Variants in BCAR3 observed in about 807,000 individuals in gnomAD.
BCAR3 encodes the protein BCAR3 adaptor protein, NSP family member.
BCAR3 carries 37 observed loss-of-function variants against 80.1 expected under a neutral mutation model. The observed-to-expected ratio is 0.46, with a 90% confidence interval of 0.36 to 0.61. BCAR3 has a LOEUF of 0.61. Ranked by LOEUF, BCAR3 falls within the 20% of genes least tolerant of loss-of-function variation. The probability of loss-of-function intolerance (pLI) is 0.00; values close to 1 mark genes in which losing one functional copy is unlikely to be tolerated. For missense variants in BCAR3, 978 were observed against 1,068.2 expected (o/e 0.92, Z 1.18); for synonymous variants, 389 against 418.9 (o/e 0.93, Z 0.87).
At chr1:93,675,925 C>CAAAAAAAAAAAAAAAAAAAAAAAAAAAA (rs58706715) in intron 1 of BCAR3, among the ~76,000 whole-genome samples, 1 of 51,440 alleles carries the variant, frequency 1.9e-5, no homozygotes, top group Non-Finnish European at 4.2e-5. Flanking sequence ...AAATAGGAGA[C>CAAAAAAAAAAAAAAAAAAAAAAAAAAAA]AAAAAAAAAA....
chr1:93,769,355 A>ATGTGCG (rs1212928670), intron 2 of BCAR3, among the ~76,000 whole-genome samples: 1 of 119,840 alleles, frequency 8.3e-6, no homozygotes, highest in Non-Finnish European at 1.7e-5. Flanking sequence ...GTGGGTAGGA[A>ATGTGCG]TGTGTGTGTG....
Position 93,584,054 on chromosome 1 carries a change from G to C in BCAR3, c.997C>G (p.Leu333Val), listed in dbSNP as rs765677379. Residue 333 changes from leucine (L) to valine (V), a missense_variant, in exon 6 of 12, where the codon CTC becomes GTC. By Grantham distance (32) the Leu-to-Val change is conservative. Transcript: ENST00000260502. ...DHMQDRRALS[L>V]KAHQSESYLP... ...TAGCTCTCTGACTGGTGGGCTTTGA[G>C]GGACAAGGCTCTTCTGTCCTGCATG... 6.2e-7 allele frequency: 1 copy of C among 1,614,146 alleles called. No homozygotes were observed. Among genetic ancestry groups the C allele is most frequent in the Admixed American group, 1.7e-5 (1 of 60,016 alleles).
At chr1:93,638,513 A>G (rs1336247488) in intron 3 of BCAR3, among the ~76,000 whole-genome samples, 9 of 152,268 alleles carry the variant, frequency 5.9e-5, no homozygotes, top group Admixed American at 5.2e-4. Context: ...TGAGCAGTAT[A>G]GAGATAAAAT....
intron 2 of BCAR3, among the ~76,000 whole-genome samples, chr1:93,844,288 T>C (rs1367515526): frequency 2.6e-5 from 4 of 152,138 alleles, no homozygotes; most frequent in South Asian, 2.1e-4. Context: ...GCCTGGGTGA[T>C]AGAGTGAGAC....
At chr1:93,594,653 C>A (rs1674350842) in intron 3 of BCAR3, 1 of 152,210 alleles carries the variant, frequency 6.6e-6, no homozygotes, top group Non-Finnish European at 1.5e-5. Flanking sequence ...GTGACCTGAC[C>A]CCCATTGAGT....
chr1:93,626,405 T>C (rs905235905), intron 3 of BCAR3, among the ~76,000 whole-genome samples: 4 of 152,304 alleles, frequency 2.6e-5, no homozygotes, highest in Admixed American at 1.3e-4. Context: ...GTCTCTTAAG[T>C]AGCAAAAGAC....
intron 8 of BCAR3, 70 bp downstream of exon 8, chr1:93,575,944 C>G: frequency 3.5e-6 from 5 of 1,421,472 alleles, no homozygotes; most frequent in Non-Finnish European, 4.0e-6. Context: ...TCTCTTTGTT[C>G]TAAAACCTGC....
chr1:93,609,417 G>A (rs994073170), intron 3 of BCAR3, among the ~76,000 whole-genome samples: 2 of 152,032 alleles, frequency 1.3e-5, no homozygotes, highest in Admixed American at 6.5e-5. Flanking sequence ...CTCTATCTGC[G>A]CTCTTTCAGA....
chr1:93,783,003 A>C (rs1652815680), intron 2 of BCAR3, among the ~76,000 whole-genome samples: 1 of 152,192 alleles, frequency 6.6e-6, no homozygotes, highest in Non-Finnish European at 1.5e-5. Flanking sequence ...AAAGCACACA[A>C]ATGTGCATTT....
At chr1:93,711,357 A>T (rs759357868) in intron 2 of BCAR3, among the ~76,000 whole-genome samples, 4 of 152,234 alleles carry the variant, frequency 2.6e-5, no homozygotes, top group Non-Finnish European at 5.9e-5. Context: ...GTGACTGACC[A>T]TTGGCTGGGA....
intron 3 of BCAR3, among the ~76,000 whole-genome samples, chr1:93,639,639 G>C (rs1675918515): frequency 6.6e-6 from 1 of 151,980 alleles, no homozygotes; most frequent in African/African-American, 2.4e-5. Flanking sequence ...ACCACACCCG[G>C]CTAATTTTTG....
chr1:93,699,895 C>T (rs916842100), intron 3 of BCAR3, among the ~76,000 whole-genome samples: 1 of 152,110 alleles, frequency 6.6e-6, no homozygotes, highest in Non-Finnish European at 1.5e-5. Flanking sequence ...CCGCCATTTG[C>T]CAGCTCTTAT....
At chr1:93,675,213 CA>C (rs959500824) in intron 1 of BCAR3, among the ~76,000 whole-genome samples, 30 of 152,124 alleles carry the variant, frequency 2.0e-4, no homozygotes, top group African/African-American at 7.2e-4. Flanking sequence ...GCATATAAGC[CA>C]TGCACAACCA....
chr1:93,843,753 C>T (rs763791687), intron 2 of BCAR3, among the ~76,000 whole-genome samples: 3 of 152,180 alleles, frequency 2.0e-5, no homozygotes, highest in Non-Finnish European at 4.4e-5. Flanking sequence ...TACCTTGCTT[C>T]ATTTGCTTAT....
At chr1:93,752,737 C>T (rs561435527) in intron 2 of BCAR3, among the ~76,000 whole-genome samples, 11 of 152,304 alleles carry the variant, frequency 7.2e-5, no homozygotes, top group African/African-American at 2.6e-4. Context: ...AGGACGTTGG[C>T]TTGATCCACA....
At chr1:93,647,782 T>C (rs35972761) in intron 2 of BCAR3, among the ~76,000 whole-genome samples, 15,663 of 151,850 alleles carry the variant, frequency 0.1, 986 homozygotes, top group Middle Eastern at 0.16. Context: ...TCTTGAAATA[T>C]GTTTTTTTTT....
Position 93,582,429 on chromosome 1 carries a change from A to G in BCAR3, c.1558T>C (p.Phe520Leu), listed in dbSNP as rs1210857171. The change falls in exon 7 of 12, where the codon TTT becomes CTT. Residue 520 changes from phenylalanine to leucine, a missense_variant. Coordinates refer to ENST00000260502, the MANE Select transcript of BCAR3 (RefSeq NM_003567.4). ...TCAGGGGGAAGGAACTTTGACTCAA[A>G]CTCGTTGGGCCTGAAGGAGGAGACA... ...ETVSSFRPNE[F>L]ESKFLPPENK... The G allele has an allele frequency of 1.2e-6, 2 of 1,613,834 alleles. No homozygotes were observed. Among genetic ancestry groups the G allele is most frequent in the African/African-American group, 2.7e-5 (2 of 74,846 alleles).
chr1:93,721,445 C>T (rs536296165), intron 2 of BCAR3, among the ~76,000 whole-genome samples: 297 of 152,284 alleles, frequency 2.0e-3, no homozygotes, highest in Non-Finnish European at 3.5e-3. Flanking sequence ...CCCTCCCTGA[C>T]TGCATGCAGG....
chr1:93,572,450 G>T (rs895846162), intron 8 of BCAR3, among the ~76,000 whole-genome samples: 3 of 152,246 alleles, frequency 2.0e-5, no homozygotes, highest in Non-Finnish European at 2.9e-5. Context: ...GAATGTGCCT[G>T]TAAGGCCAGA....
Sources: gnomAD v4.1 joint callset for allele counts (sites outside exome capture counted in the v4.1 genomes callset) on GRCh38, gnomAD v4.1.1 for gene constraint, MANE v1.5 for transcripts, NCBI Gene and HGNC (gene_info 2026-07-23, HGNC 2026-07-21) for gene names.